Variants in SORCS2 observed in about 807,000 individuals in gnomAD.
The protein encoded by SORCS2 is VPS10 domain-containing receptor SorCS2.
Under a neutral mutation model 141.6 loss-of-function variants are expected in SORCS2, and 100 were observed. That is an observed-to-expected ratio of 0.71 (90% CI 0.60 to 0.83). SORCS2 has a LOEUF of 0.83. SORCS2 is among the 40% of genes least tolerant of loss of function. The pLI is 0.00. For missense variants in SORCS2, 1,646 were observed against 1,560.2 expected, an observed-to-expected ratio of 1.05 and a Z score of -0.93; for synonymous variants, 789 against 676.9, an observed-to-expected ratio of 1.17 and a Z score of -2.57.
At chr4:7,269,169 G>C (rs756729045) in intron 1 of SORCS2, among the ~76,000 whole-genome samples, 8 of 152,236 alleles carry the variant, frequency 5.3e-5, no homozygotes, top group African/African-American at 9.6e-5. Context: ...GGGCCTGGAG[G>C]AGCTTACATT....
At chr4:7,429,540 A>G (rs1273927681) in intron 2 of SORCS2, among the ~76,000 whole-genome samples, 1 of 152,244 alleles carries the variant, frequency 6.6e-6, no homozygotes, top group Non-Finnish European at 1.5e-5. Context: ...ATGCATTTTC[A>G]GAGGCTAGCT....
rs1402036677 is a variant in SORCS2, at chr4:7,450,745, ATGAG to A, written c.548+54395_548+54398del. Among the ~76,000 whole-genome samples, 10 of 151,976 alleles carry A rather than the reference ATGAG, an allele frequency of 6.6e-5. No individual in the cohort carries two copies. In the East Asian group the frequency reaches 9.7e-4, roughly 15 times the overall value. On this transcript the variant is annotated intron_variant, in intron 2 of 26. Coordinates refer to ENST00000507866, the MANE Select transcript of SORCS2 (RefSeq NM_020777.3). ...AGTGCATGAATGAGTGACTGAATGA[ATGAG>A]TGAGAGAGTGAGTGAGTAAATGAGA...
chr4:7,501,096 T>A (rs1268137217), intron 2 of SORCS2, among the ~76,000 whole-genome samples: 2 of 152,184 alleles, frequency 1.3e-5, no homozygotes, highest in Non-Finnish European at 2.9e-5. Context: ...TTTCTCAGGG[T>A]GCTGACCTGT....
chr4:7,653,251 T>TC (rs1368323644), intron 4 of SORCS2, among the ~76,000 whole-genome samples: 1 of 150,450 alleles, frequency 6.6e-6, no homozygotes, highest in East Asian at 1.9e-4. Context: ...AAAGACACAA[T>TC]TTTTTTTTTC....
rs186979874 is a variant in SORCS2 at position 7,497,539 on chromosome 4, G to A, written c.549-33991G>A. On this transcript the variant is annotated intron_variant, in intron 2 of 26. Coordinates refer to ENST00000507866, the MANE Select transcript of SORCS2 (RefSeq NM_020777.3). ...CCCGTGGGGGCCCAACCAGGGGTCA[G>A]GCAAGTCACACCGCCATTCCCAAAG... Among the ~76,000 whole-genome samples the A allele has an allele frequency of 2.6e-3, 392 of 152,380 alleles. 13 individuals carry two copies. Among genetic ancestry groups the A allele is most frequent in the Admixed American group, 0.025 (387 of 15,306 alleles).
At chr4:7,607,578 G>T (rs1000943625) in intron 3 of SORCS2, among the ~76,000 whole-genome samples, 2 of 152,078 alleles carry the variant, frequency 1.3e-5, no homozygotes, top group Non-Finnish European at 2.9e-5. Flanking sequence ...TAACAATTTT[G>T]TCCACCTCAC....
chr4:7,620,689 C>T (rs1267131241), intron 3 of SORCS2, among the ~76,000 whole-genome samples: 2 of 152,230 alleles, frequency 1.3e-5, no homozygotes, highest in Non-Finnish European at 2.9e-5. Flanking sequence ...TGGGTTTGTG[C>T]AGCTCCCCAT....
chr4:7,654,289 C>G, intron 5 of SORCS2, 82 bp downstream of exon 5: 1 of 1,373,660 alleles, frequency 7.3e-7, no homozygotes, highest in African/African-American at 1.4e-5. Context: ...GGAGCCCATC[C>G]CTGCAGCTCC....
intron 1 of SORCS2, among the ~76,000 whole-genome samples, chr4:7,339,648 G>A (rs1283865802): frequency 6.6e-6 from 1 of 152,148 alleles, no homozygotes; most frequent in East Asian, 1.9e-4. Context: ...CTCACCAAAT[G>A]ACCTCATTTT....
intron 2 of SORCS2, chr4:7,433,211 C>T: frequency 8.2e-6 from 10 of 1,218,574 alleles, no homozygotes; most frequent in African/African-American, 1.5e-5. Context: ...TCCTTCCCAG[C>T]CTCCCTCCTC....
At chr4:7,250,645 C>A (rs1713438663) in intron 1 of SORCS2, among the ~76,000 whole-genome samples, 1 of 152,236 alleles carries the variant, frequency 6.6e-6, no homozygotes, top group Non-Finnish European at 1.5e-5. Context: ...AAGAAAAGGA[C>A]AGACTCAACC....
intron 2 of SORCS2, among the ~76,000 whole-genome samples, chr4:7,422,053 C>T (rs1412451932): frequency 2.0e-5 from 3 of 152,188 alleles, no homozygotes; most frequent in Non-Finnish European, 2.9e-5. Context: ...GGTCGGTGCC[C>T]CCTTTGCTAC....
rs1218764666 is a variant in SORCS2 at position 7,244,104 on chromosome 4, G to A, written c.480+50978G>A. Among the ~76,000 whole-genome samples the A allele has an allele frequency of 2.6e-5, 4 of 152,156 alleles. No homozygotes were observed. The East Asian group carries it at 7.7e-4, about 29-fold the overall frequency. The stretch of plus-strand genomic sequence containing the variant: ...CTTTCCTGCATGGAACGGGAAAGAG[G>A]GTCCCCACTTCTGAAGCACATAGGA... On this transcript the variant is annotated intron_variant, in intron 1 of 26. Transcript: ENST00000507866.
chr4:7,470,106 C>A (rs574173521), intron 2 of SORCS2, among the ~76,000 whole-genome samples: 1 of 152,236 alleles, frequency 6.6e-6, no homozygotes, highest in South Asian at 2.1e-4. Context: ...GGAAAGGGGG[C>A]CCAGATTGTT....
chr4:7,290,911 G>T (rs1011096157), intron 1 of SORCS2, among the ~76,000 whole-genome samples: 1 of 152,160 alleles, frequency 6.6e-6, no homozygotes, highest in Non-Finnish European at 1.5e-5. Flanking sequence ...TGGCTGGCTG[G>T]GGAAGCTGTA....
At chr4:7,221,434 G>A (rs1240126043) in intron 1 of SORCS2, among the ~76,000 whole-genome samples, 3 of 152,202 alleles carry the variant, frequency 2.0e-5, no homozygotes, top group African/African-American at 4.8e-5. Context: ...ACCAGAGACC[G>A]CCGTAGTGAC....
intron 1 of SORCS2, among the ~76,000 whole-genome samples, chr4:7,327,217 A>G (rs987250010): frequency 4.6e-5 from 7 of 152,254 alleles, no homozygotes; most frequent in Non-Finnish European, 8.8e-5. Context: ...GAGGTCTATA[A>G]TCAAGGGAGT....
intron 1 of SORCS2, among the ~76,000 whole-genome samples, chr4:7,200,617 C>G (rs982679579): frequency 6.6e-6 from 1 of 152,178 alleles, no homozygotes; most frequent in Non-Finnish European, 1.5e-5. Context: ...GAATGCCCAG[C>G]CCAAGAACCT....
intron 1 of SORCS2, among the ~76,000 whole-genome samples, chr4:7,305,220 A>G (rs1717715912): frequency 6.6e-6 from 1 of 151,794 alleles, no homozygotes; most frequent in South Asian, 2.1e-4. Flanking sequence ...TTTAGTAGAG[A>G]TGGGGTTTCA....
Sources: allele counts gnomAD v4.1 joint callset (sites outside exome capture counted in the v4.1 genomes callset), GRCh38; gene constraint gnomAD v4.1.1; transcripts MANE v1.5; gene names NCBI Gene and HGNC (gene_info 2026-07-23, HGNC 2026-07-21).